GRID2: variants seen among roughly 807,000 people sequenced by gnomAD.
GRID2 encodes the protein glutamate ionotropic receptor delta type subunit 2.
A neutral mutation model predicts 114.8 loss-of-function variants in GRID2; 33 were observed. The observed-to-expected ratio is 0.29, with a 90% CI of 0.22 to 0.38. The LOEUF is 0.38. GRID2 is among the 10% of genes least tolerant of loss of function. GRID2 has a pLI of 1.00. For missense variants in GRID2, 1,184 were observed against 1,257.7 expected (o/e 0.94, Z 0.89); for synonymous variants, 505 against 449.9 (o/e 1.12, Z -1.55).
intron 8 of GRID2, among the ~76,000 whole-genome samples, chr4:93,380,780 C>G (rs184750406): frequency 2.6e-4 from 39 of 152,108 alleles, no homozygotes; most frequent in Admixed American, 2.3e-3. Flanking sequence ...TGAAATACCA[C>G]ATAACAAAAT....
At chr4:93,008,112 A>T (rs1721752777) in intron 2 of GRID2, among the ~76,000 whole-genome samples, 1 of 152,018 alleles carries the variant, frequency 6.6e-6, no homozygotes, top group African/African-American at 2.4e-5. Context: ...TTAGTAGCCT[A>T]AATAACGGAA....
chr4:92,941,695 T>A (rs1377550910), intron 2 of GRID2, among the ~76,000 whole-genome samples: 1 of 152,206 alleles, frequency 6.6e-6, no homozygotes, highest in Non-Finnish European at 1.5e-5. Context: ...TGCTTTCTCT[T>A]GTGGGCATTG....
chr4:93,192,770 A>AG (rs1258209072), intron 4 of GRID2, among the ~76,000 whole-genome samples: 6 of 150,806 alleles, frequency 4.0e-5, no homozygotes, highest in African/African-American at 1.2e-4. Context: ...AAAAAAAAAA[A>AG]AGAGATTTCT....
At chr4:93,468,085 G>A in intron 11 of GRID2, among the ~76,000 whole-genome samples, 1 of 152,094 alleles carries the variant, frequency 6.6e-6, no homozygotes, top group East Asian at 1.9e-4. Context: ...CAAAATATAT[G>A]TCTGAATTCC....
chr4:93,662,561 C>A (rs749299745), intron 14 of GRID2, among the ~76,000 whole-genome samples: 2 of 152,070 alleles, frequency 1.3e-5, no homozygotes, highest in Non-Finnish European at 2.9e-5. Flanking sequence ...CGTAGAGACA[C>A]AGCTCAAAAC....
At chr4:92,613,367 T>G (rs1026609060) in intron 2 of GRID2, among the ~76,000 whole-genome samples, 3 of 151,474 alleles carry the variant, frequency 2.0e-5, no homozygotes, top group Non-Finnish European at 3.0e-5. Flanking sequence ...ATGAGATATA[T>G]TGATCTGTGA....
chr4:93,136,035 C>A (rs1191749516), intron 4 of GRID2, among the ~76,000 whole-genome samples: 5 of 152,102 alleles, frequency 3.3e-5, no homozygotes, highest in African/African-American at 9.7e-5. Flanking sequence ...ATTACAGGTT[C>A]ATTTAAACAT....
chr4:92,345,184 G>T (rs1312661452), intron 1 of GRID2, among the ~76,000 whole-genome samples: 2 of 151,742 alleles, frequency 1.3e-5, no homozygotes, highest in African/African-American at 4.8e-5. Context: ...ATAGCTTCCA[G>T]CTCTTATAAG....
chr4:92,990,336 T>G (rs2149202625), intron 2 of GRID2, among the ~76,000 whole-genome samples: 1 of 151,070 alleles, frequency 6.6e-6, no homozygotes, highest in South Asian at 2.1e-4. Flanking sequence ...TGTATAATTT[T>G]TTTTGAGATA....
chr4:92,484,480 C>G (rs1204089866), intron 1 of GRID2, among the ~76,000 whole-genome samples: 6 of 152,082 alleles, frequency 3.9e-5, no homozygotes, highest in East Asian at 1.9e-4. Context: ...TCATAGAGTA[C>G]TCAGAAAAGA....
chr4:92,588,118 A>C (rs1728537186), intron 1 of GRID2, among the ~76,000 whole-genome samples: 1 of 152,142 alleles, frequency 6.6e-6, no homozygotes, highest in Non-Finnish European at 1.5e-5. Flanking sequence ...TTAAATTTCA[A>C]TGTAATGATT....
chr4:93,439,591 T>A (rs945884269), intron 10 of GRID2, among the ~76,000 whole-genome samples: 5 of 152,080 alleles, frequency 3.3e-5, no homozygotes, highest in African/African-American at 7.2e-5. Flanking sequence ...ACTTCCATTA[T>A]AAAAACTTCA....
intron 2 of GRID2, among the ~76,000 whole-genome samples, chr4:92,806,166 G>GACACACACACACACAC (rs56070810): frequency 8.3e-5 from 11 of 133,332 alleles, no homozygotes; most frequent in African/African-American, 2.7e-4. Flanking sequence ...ATAGGCTATC[G>GACACACACACACACAC]ACACACACAC....
Position 93,216,847 on chromosome 4 carries a change from G to A in GRID2, c.899G>A (p.Arg300His), listed in dbSNP as rs201635818. ...CAGAACATAAGTCAGCGGTGTTTCC[G>A]TGGCAACCATCGAATATCTTCAACA... Reference protein sequence around the residue: ...VPQNISQRCFRGNHRISSTLC... With the variant: ...VPQNISQRCFHGNHRISSTLC... The change falls in exon 6 of 16, where the codon CGT (arginine) becomes CAT (histidine). Residue 300 changes from arginine to histidine, a missense_variant. Physicochemically the swap from Arg to His is conservative, Grantham distance 29. Transcript: ENST00000282020. The A allele has an allele frequency of 1.9e-5, 30 of 1,612,832 alleles. No individual in the cohort carries two copies. Among genetic ancestry groups the A allele is most frequent in the South Asian group, 2.2e-5 (2 of 91,060 alleles).
At chr4:92,540,499 T>A (rs1725884620) in intron 1 of GRID2, among the ~76,000 whole-genome samples, 1 of 152,112 alleles carries the variant, frequency 6.6e-6, no homozygotes, top group Admixed American at 6.5e-5. Context: ...AACAGACACT[T>A]CTCAAAAGAA....
intron 2 of GRID2, among the ~76,000 whole-genome samples, chr4:92,963,576 C>T (rs972504321): frequency 6.6e-6 from 1 of 151,902 alleles, no homozygotes. Flanking sequence ...TACTATTTCT[C>T]TTGTTATTTT....
intron 2 of GRID2, among the ~76,000 whole-genome samples, chr4:92,606,416 G>GT (rs1729454858): frequency 6.6e-6 from 1 of 152,060 alleles, no homozygotes; most frequent in Non-Finnish European, 1.5e-5. Context: ...TAGAACACTA[G>GT]TTTCGCTTTA....
intron 4 of GRID2, 146 bp from the exon 5 acceptor site, chr4:93,207,258 G>T: frequency 1.5e-6 from 1 of 676,598 alleles, no homozygotes; most frequent in Non-Finnish European, 2.7e-6. Context: ...ACAGTGTTTT[G>T]CTAATAATTT....
chr4:92,323,528 G>A (rs1033498644), intron 1 of GRID2, among the ~76,000 whole-genome samples: 1 of 151,952 alleles, frequency 6.6e-6, no homozygotes, highest in Admixed American at 6.6e-5. Context: ...GCCTGCATTG[G>A]TCTCTTCCCC....
Sources: allele counts gnomAD v4.1 joint callset (sites outside exome capture counted in the v4.1 genomes callset), GRCh38; gene constraint gnomAD v4.1.1; transcripts MANE v1.5; gene names NCBI Gene and HGNC (gene_info 2026-07-23, HGNC 2026-07-21).